TCF12: variants seen among roughly 807,000 people sequenced by gnomAD.
TCF12 encodes the protein transcription factor 12.
A neutral mutation model predicts 86.0 loss-of-function variants in TCF12; 45 were observed. That is an observed-to-expected ratio of 0.52 (90% CI 0.41 to 0.67). The LOEUF (loss-of-function observed/expected upper bound fraction) is 0.67, where lower values mean the gene tolerates loss of function less well. TCF12 is among the 30% of genes least tolerant of loss of function. TCF12 has a pLI of 0.00. For synonymous variants in TCF12, 330 were observed against 299.6 expected, an observed-to-expected ratio of 1.10 and a Z score of -1.05; for missense variants, 881 against 859.9, an observed-to-expected ratio of 1.02 and a Z score of -0.31.
intron 3 of TCF12, among the ~76,000 whole-genome samples, chr15:56,979,308 AT>A (rs1482273889): frequency 3.3e-5 from 5 of 152,120 alleles, no homozygotes; most frequent in Non-Finnish European, 7.4e-5. Context: ...CAGTTTTTAA[AT>A]TACTTTTCAT....
intron 5 of TCF12, among the ~76,000 whole-genome samples, chr15:57,144,072 A>G (rs1326064715): frequency 6.6e-6 from 1 of 152,178 alleles, no homozygotes; most frequent in African/African-American, 2.4e-5. Flanking sequence ...ATCCTGATCC[A>G]CCTTCACATG....
intron 12 of TCF12, among the ~76,000 whole-genome samples, chr15:57,240,659 A>T (rs530031544): frequency 6.6e-6 from 1 of 152,278 alleles, no homozygotes; most frequent in African/African-American, 2.4e-5. Context: ...AAGCAGGCAG[A>T]TCACTTCAGC....
At chr15:57,004,345 C>T (rs185506821) in intron 3 of TCF12, among the ~76,000 whole-genome samples, 137 of 151,878 alleles carry the variant, frequency 9.0e-4, no homozygotes, top group Non-Finnish European at 1.5e-3. Context: ...TCAAGTGATT[C>T]TCCTGTCTCA....
At chr15:57,028,416 A>G (rs1365981870) in intron 3 of TCF12, among the ~76,000 whole-genome samples, 1 of 152,058 alleles carries the variant, frequency 6.6e-6, no homozygotes, top group African/African-American at 2.4e-5. Context: ...TTTGTTATTC[A>G]TGTGGTAGTA....
intron 11 of TCF12, among the ~76,000 whole-genome samples, chr15:57,233,148 G>A (rs1259788958): frequency 2.0e-5 from 3 of 150,446 alleles, no homozygotes; most frequent in African/African-American, 7.3e-5. Flanking sequence ...ATATATATGT[G>A]TATATATGTG....
chr15:57,016,806 C>T (rs1367272516), intron 3 of TCF12, among the ~76,000 whole-genome samples: 1 of 152,074 alleles, frequency 6.6e-6, no homozygotes, highest in Non-Finnish European at 1.5e-5. Flanking sequence ...CATAGTTTCT[C>T]CCTCTGGAAC....
At chr15:57,179,207 A>G (rs568938290) in intron 6 of TCF12, among the ~76,000 whole-genome samples, 1 of 152,138 alleles carries the variant, frequency 6.6e-6, no homozygotes, top group African/African-American at 2.4e-5. Flanking sequence ...GGGCTGATTG[A>G]CTGGGCACGG....
intron 8 of TCF12, among the ~76,000 whole-genome samples, chr15:57,212,508 G>A (rs2058154065): frequency 6.6e-6 from 1 of 152,150 alleles, no homozygotes; most frequent in East Asian, 1.9e-4. Flanking sequence ...AAACTCCTGG[G>A]TTCAAGGGAT....
intron 5 of TCF12, among the ~76,000 whole-genome samples, chr15:57,140,186 A>G (rs2052854678): frequency 6.6e-6 from 1 of 152,224 alleles, no homozygotes; most frequent in African/African-American, 2.4e-5. Context: ...GATGAACAAA[A>G]TGTGGTATAT....
At chr15:57,108,112 G>A (rs1231844733) in intron 5 of TCF12, among the ~76,000 whole-genome samples, 1 of 152,180 alleles carries the variant, frequency 6.6e-6, no homozygotes, top group Non-Finnish European at 1.5e-5. Context: ...GAAATGGGAA[G>A]CATCAAAGAC....
chr15:57,094,143 C>G (rs2049166430), intron 5 of TCF12, among the ~76,000 whole-genome samples: 1 of 152,168 alleles, frequency 6.6e-6, no homozygotes, highest in South Asian at 2.1e-4. Flanking sequence ...CTGCCCCAGC[C>G]TCCCAAAATG....
intron 6 of TCF12, among the ~76,000 whole-genome samples, chr15:57,181,141 A>G (rs2056322181): frequency 6.6e-6 from 1 of 152,072 alleles, no homozygotes; most frequent in East Asian, 1.9e-4. Context: ...ACCTACGGTT[A>G]ATTAGGCCCT....
chr15:57,180,014 T>C (rs1191300508), intron 6 of TCF12, among the ~76,000 whole-genome samples: 2 of 152,214 alleles, frequency 1.3e-5, no homozygotes, highest in African/African-American at 4.8e-5. Context: ...TCTAATGAGA[T>C]TCTCAGGATA....
rs182187751 is a variant in TCF12, at chr15:57,253,904, A to G, written c.1467+436A>G. On this transcript the variant is annotated intron_variant, in intron 16 of 20. Coordinates refer to ENST00000333725, the MANE Select transcript of TCF12 (RefSeq NM_207037.2). ...TTTATTCCCGAACTGCGGGGGAGGT[A>G]GTTTTAAGAATGGCTGTAATTTCAG... 8.5e-5 allele frequency among the ~76,000 whole-genome samples: 13 copies of G among 152,354 alleles called. No individual in the cohort carries two copies. In the East Asian group the frequency reaches 2.5e-3, roughly 29 times the overall value.
intron 3 of TCF12, among the ~76,000 whole-genome samples, chr15:56,926,589 A>C (rs2060026273): frequency 1.3e-5 from 2 of 152,188 alleles, no homozygotes; most frequent in Non-Finnish European, 2.9e-5. Flanking sequence ...AGACCTGGAA[A>C]TGGGAATTTA....
intron 5 of TCF12, among the ~76,000 whole-genome samples, chr15:57,109,509 G>A (rs140890400): frequency 4.4e-4 from 67 of 152,224 alleles, no homozygotes; most frequent in African/African-American, 1.6e-3. Context: ...CTTTTTCTAT[G>A]AGTATTCGAA....
intron 5 of TCF12, among the ~76,000 whole-genome samples, chr15:57,124,718 C>T (rs1029439127): frequency 4.0e-5 from 6 of 151,738 alleles, no homozygotes; most frequent in African/African-American, 1.5e-4. Flanking sequence ...CACTCTGTTG[C>T]CCAGGCTGGA....
chr15:56,925,240 G>GCCCCCCCCCCCCCCCCCCCCC (rs11465192), intron 3 of TCF12, among the ~76,000 whole-genome samples: 11 of 136,256 alleles, frequency 8.1e-5, no homozygotes, highest in African/African-American at 1.6e-4. Context: ...GGTGTCCACC[G>GCCCCCCCCCCCCCCCCCCCCC]CCCCCCCACC....
intron 3 of TCF12, among the ~76,000 whole-genome samples, chr15:57,034,176 G>T (rs2066366616): frequency 6.6e-6 from 1 of 152,124 alleles, no homozygotes; most frequent in Non-Finnish European, 1.5e-5. Flanking sequence ...ATGTATATAG[G>T]ACTGATCACA....
Sources: gnomAD v4.1 joint callset for allele counts (sites outside exome capture counted in the v4.1 genomes callset) on GRCh38, gnomAD v4.1.1 for gene constraint, MANE v1.5 for transcripts, NCBI Gene and HGNC (gene_info 2026-07-23, HGNC 2026-07-21) for gene names.